The following TRPC7 variants were observed in gnomAD, a reference collection of about 807,000 sequenced individuals.
The protein encoded by TRPC7 is short transient receptor potential channel 7.
Under a neutral mutation model 90.1 loss-of-function variants are expected in TRPC7, and 42 were observed. That is an observed-to-expected ratio of 0.47 (90% CI 0.36 to 0.60). TRPC7 has a LOEUF of 0.60. Ranked by LOEUF, TRPC7 falls within the 20% of genes least tolerant of loss-of-function variation. TRPC7 has a pLI of 0.00. For synonymous variants in TRPC7, 451 were observed against 436.3 expected (o/e 1.03, Z -0.42); for missense variants, 955 against 1,112.3 (o/e 0.86, Z 2.01).
intron 7 of TRPC7, among the ~76,000 whole-genome samples, chr5:136,243,833 C>T (rs914839914): frequency 6.6e-6 from 1 of 152,160 alleles, no homozygotes; most frequent in South Asian, 2.1e-4. Flanking sequence ...CACAGCTACA[C>T]ATCTCATTTC....
chr5:136,276,773 C>A (rs1004246366), intron 3 of TRPC7, among the ~76,000 whole-genome samples: 7 of 152,192 alleles, frequency 4.6e-5, no homozygotes, highest in African/African-American at 1.2e-4. Flanking sequence ...ACATCCTGGG[C>A]CCTTTCTGGC....
At chr5:136,240,614 G>A (rs925475372) in intron 7 of TRPC7, among the ~76,000 whole-genome samples, 1 of 152,160 alleles carries the variant, frequency 6.6e-6, no homozygotes, top group East Asian at 1.9e-4. Flanking sequence ...TACTATAGGA[G>A]AGCAACTCAA....
rs1208565789 is a variant in TRPC7 at position 136,244,123 on chromosome 5, T to C, written c.1844+3348A>G. Among the ~76,000 whole-genome samples, 3 of 151,992 alleles carry C rather than the reference T, an allele frequency of 2.0e-5. No homozygotes were observed. The East Asian group carries it at 5.8e-4, about 29-fold the overall frequency. ...CTACTCTAAAGTCATAATCTCTCTC[T>C]CTCTCTCTTTCGCCCTCCCCTCCCC... On this transcript the variant is annotated intron_variant, in intron 7 of 11. Coordinates refer to ENST00000513104, the MANE Select transcript of TRPC7 (RefSeq NM_020389.3).
intron 3 of TRPC7, among the ~76,000 whole-genome samples, chr5:136,280,729 A>G (rs764842950): frequency 1.3e-5 from 2 of 152,234 alleles, no homozygotes; most frequent in African/African-American, 2.4e-5. Flanking sequence ...TATGTGTGCC[A>G]TGTACCATGT....
intron 3 of TRPC7, among the ~76,000 whole-genome samples, chr5:136,291,458 C>A (rs1374579704): frequency 4.6e-5 from 7 of 151,540 alleles, no homozygotes; most frequent in Non-Finnish European, 8.8e-5. Flanking sequence ...TCTACCAAGC[C>A]AATGGAAAAC....
intron 7 of TRPC7, among the ~76,000 whole-genome samples, chr5:136,233,720 TC>T (rs1755890205): frequency 6.6e-6 from 1 of 152,304 alleles, no homozygotes; most frequent in Admixed American, 6.5e-5. Context: ...AAATTCATCT[TC>T]CCTTTCTTAC....
intron 2 of TRPC7, among the ~76,000 whole-genome samples, chr5:136,329,815 T>C (rs1042464451): frequency 1.3e-5 from 2 of 152,216 alleles, no homozygotes; most frequent in African/African-American, 4.8e-5. Flanking sequence ...TGGTTCTCTC[T>C]CGTGGAACTC....
chr5:136,320,420 A>G (rs1759156431), intron 2 of TRPC7, among the ~76,000 whole-genome samples: 1 of 152,180 alleles, frequency 6.6e-6, no homozygotes, highest in Admixed American at 6.5e-5. Context: ...ACTTAGAAAA[A>G]GTAGTCAGAT....
intron 2 of TRPC7, chr5:136,315,992 A>T (rs1012616991): frequency 1.7e-6 from 1 of 574,958 alleles, no homozygotes; most frequent in African/African-American, 1.9e-5. Context: ...CTAGGTCAGC[A>T]TGTGTGAAGG....
intron 3 of TRPC7, among the ~76,000 whole-genome samples, chr5:136,275,241 G>C (rs1757327408): frequency 6.6e-6 from 1 of 152,130 alleles, no homozygotes; most frequent in Non-Finnish European, 1.5e-5. Flanking sequence ...TGGGGTTTTG[G>C]AGTCAGACAT....
intron 2 of TRPC7, among the ~76,000 whole-genome samples, chr5:136,337,723 T>C (rs147038052): frequency 6.6e-6 from 1 of 151,476 alleles, no homozygotes; most frequent in Admixed American, 6.6e-5. Context: ...CAATGTGCTA[T>C]GAGAAAACAT....
intron 4 of TRPC7, among the ~76,000 whole-genome samples, chr5:136,273,177 GAAGTT>G (rs1445753166): frequency 6.6e-6 from 1 of 151,804 alleles, no homozygotes; most frequent in African/African-American, 2.4e-5. Flanking sequence ...CAGAGAAAGT[GAAGTT>G]AAGTGTCCCT....
intron 7 of TRPC7, among the ~76,000 whole-genome samples, chr5:136,240,152 G>A (rs1310863505): frequency 1.3e-5 from 2 of 152,170 alleles, no homozygotes; most frequent in African/African-American, 2.4e-5. Context: ...CTTCCTACGT[G>A]AAGCTCTCCA....
At chr5:136,345,069 G>C (rs1017519676) in intron 2 of TRPC7, among the ~76,000 whole-genome samples, 3 of 152,124 alleles carry the variant, frequency 2.0e-5, no homozygotes, top group Admixed American at 1.3e-4. Flanking sequence ...ATTTTTGATA[G>C]ATACATACTT....
chr5:136,266,954 C>T (rs887524443), intron 4 of TRPC7, among the ~76,000 whole-genome samples: 4 of 152,136 alleles, frequency 2.6e-5, no homozygotes, highest in Non-Finnish European at 5.9e-5. Flanking sequence ...TTTTCATTGA[C>T]ATTCTGTTAT....
chr5:136,247,304 G>C lies in TRPC7; in HGVS notation c.1844+167C>G, dbSNP rs1171767001. On this transcript the variant is annotated intron_variant, in intron 7 of 11. Coordinates refer to ENST00000513104, the MANE Select transcript of TRPC7 (RefSeq NM_020389.3). This position sits in a 1 kb window ranked among gnomAD's most constrained non-coding sequence, Gnocchi z 4.2. ...AGTGAGGATTTAACTCAACTCATCT[G>C]TTCAACTCCAGAACCTGAACTCTAA... 1.3e-5 allele frequency among the ~76,000 whole-genome samples: 2 copies of C among 151,842 alleles called. No homozygotes were observed. Among genetic ancestry groups the C allele is most frequent in the African/African-American group, 4.8e-5 (2 of 41,280 alleles).
intron 7 of TRPC7, among the ~76,000 whole-genome samples, chr5:136,236,444 G>A (rs1755984194): frequency 1.3e-5 from 2 of 152,224 alleles, no homozygotes; most frequent in Non-Finnish European, 2.9e-5. Context: ...TCCAGCCCAT[G>A]CTGTCTTTTT....
intron 3 of TRPC7, among the ~76,000 whole-genome samples, chr5:136,296,630 A>G (rs1025899869): frequency 3.9e-5 from 6 of 152,366 alleles, no homozygotes; most frequent in African/African-American, 7.2e-5. Flanking sequence ...GGTGGATCAA[A>G]TCACAAAATT....
rs754115190 is a variant in TRPC7, at chr5:136,251,716, G to A, written c.1512C>T (p.Asp504=). The part of the protein sequence containing the change: ...LKATEAQLYV[D]QHVQDDTLHN... Reference sequence around the variant, plus strand: ...GCAGCGTGTCGTCCTGCACGTGCTGGTCCACGTACAGCTGTGCCTCCGTGG... The same window carrying A: ...GCAGCGTGTCGTCCTGCACGTGCTGATCCACGTACAGCTGTGCCTCCGTGG... Residue 504 remains aspartate (D), a synonymous_variant, in exon 6 of 12, where the codon GAC becomes GAT. Coordinates refer to ENST00000513104, the MANE Select transcript of TRPC7 (RefSeq NM_020389.3). 2 of 1,613,922 alleles carry A rather than the reference G, an allele frequency of 1.2e-6. No homozygotes were observed. The highest frequency in any genetic ancestry group is 1.1e-5 in the South Asian group (1 of 91,080).
Sources: allele counts gnomAD v4.1 joint callset (sites outside exome capture counted in the v4.1 genomes callset), GRCh38; gene constraint gnomAD v4.1.1; non-coding constraint Gnocchi (gnomAD v3.1); transcripts MANE v1.5; gene names NCBI Gene and HGNC (gene_info 2026-07-23, HGNC 2026-07-21).